KLK15: variants seen among roughly 807,000 people sequenced by gnomAD.
KLK15 encodes kallikrein related peptidase 15.
KLK15 carries 19 observed loss-of-function variants against 21.1 expected under a neutral mutation model. The ratio of observed to expected loss-of-function variants is 0.90; its 90% CI spans 0.63 to 1.32. The LOEUF (loss-of-function observed/expected upper bound fraction) is 1.32, where lower values mean the gene tolerates loss of function less well. KLK15 is among the 40% of genes most tolerant of loss of function. KLK15 has a pLI of 0.00. For synonymous variants in KLK15, 141 were observed against 141.5 expected, an observed-to-expected ratio of 1.00 and a Z score of 0.03; for missense variants, 345 against 348.6, an observed-to-expected ratio of 0.99 and a Z score of 0.08.
At position 50,831,456 on chromosome 19, in the gene KLK15, A is replaced by T. The variant is rs1599958945; in HGVS notation, c.37T>A (p.Ser13Thr). 4.9e-6 allele frequency: 7 copies of T among 1,437,754 alleles called. No individual in the cohort carries two copies. In the East Asian group the frequency reaches 2.1e-4, roughly 43 times the overall value. 89.1% of individuals were successfully genotyped at this position (1,437,754 alleles called of 1,614,324 possible). Residue 13 changes from serine (S) to threonine (T), a missense_variant, in exon 1 of 5, where the codon TCC (serine) becomes ACC (threonine). Coordinates refer to ENST00000598239, the Ensembl canonical transcript of KLK15. ...CCTCCTGGGGCCACCTCACCTGTGG[A>T]TGCCAGCAGGAAGGAGAGAGTGAGG...
At chr19:50,827,232 G>A in intron 2 of KLK15, 71 bp from the exon 4 acceptor site, 2 of 1,465,108 alleles carry the variant, frequency 1.4e-6, no homozygotes, top group Non-Finnish European at 1.8e-6. Flanking sequence ...AGGACAGAAA[G>A]ATCAAAGAGT....
In KLK15 at chr19:50,827,223, G is replaced by A. The variant is rs918343785; in HGVS notation, c.198-62C>T. Reference sequence around the variant, plus strand: ...GGGCCAGTGGTTACCCGCAAGTAGAGGACAGAAAGATCAAAGAGTGGGCAA... The same window carrying A: ...GGGCCAGTGGTTACCCGCAAGTAGAAGACAGAAAGATCAAAGAGTGGGCAA... On this transcript the variant is annotated intron_variant, in intron 2 of 4. Coordinates refer to ENST00000598239, the Ensembl canonical transcript of KLK15. The A allele has an allele frequency of 6.0e-6, 9 of 1,493,008 alleles. No individual in the cohort carries two copies. In the African/African-American group the frequency reaches 1.1e-4, roughly 18 times the overall value. The allele number at this position is 1,493,008 out of a possible 1,614,324, so 92.5% of individuals were successfully genotyped here.
At chr19:50,832,603 A>G (rs189273826), upstream of KLK15, among the ~76,000 whole-genome samples, 437 of 152,264 alleles carry the variant, frequency 2.9e-3, 2 homozygotes, top group African/African-American at 1.0e-2. Context: ...GATTACAGGC[A>G]TGAGTTGCCT....
At chr19:50,829,016 T>C (rs954685490) in intron 1 of KLK15, among the ~76,000 whole-genome samples, 2 of 142,938 alleles carry the variant, frequency 1.4e-5, no homozygotes, top group African/African-American at 5.3e-5. Flanking sequence ...CAGATGTTCA[T>C]ATGTGTATAT....
chr19:50,832,910 C>T (rs546991086), upstream of KLK15, among the ~76,000 whole-genome samples: 5 of 152,270 alleles, frequency 3.3e-5, no homozygotes, highest in South Asian at 2.1e-4. Flanking sequence ...CTGCAGGGCC[C>T]GACCCACGGG....
rs1053346865 is a variant in KLK15 at position 50,826,020 on chromosome 19, C to T, written c.619-72G>A. The T allele has an allele frequency of 9.0e-6, 13 of 1,448,050 alleles. No homozygotes were observed. The African/African-American group carries it at 1.4e-4, about 16-fold the overall frequency. 89.7% of individuals were successfully genotyped at this position (1,448,050 alleles called of 1,614,324 possible). The stretch of plus-strand genomic sequence containing the variant: ...TCATCCTCATCCTAATCACCATTTG[C>T]AATCTCACCCCAAACCCAATCCATC... On this transcript the variant is annotated intron_variant, in intron 4 of 4. Transcript: ENST00000598239.
intron 2 of KLK15, 125 bp from the exon 4 acceptor site, chr19:50,827,286 C>A: frequency 2.2e-6 from 2 of 925,850 alleles, no homozygotes; most frequent in East Asian, 2.6e-5. Context: ...CTCGACATCC[C>A]ATTACCTTTT....
downstream of KLK15, chr19:50,825,432 T>A (rs1599947995): frequency 5.9e-6 from 1 of 169,424 alleles, no homozygotes; most frequent in South Asian, 1.8e-4. Context: ...TTGTTCAAGA[T>A]CACACGGGTG....
chr19:50,831,479 A>G, exon 1 of KLK15: 1 of 1,450,802 alleles, frequency 6.9e-7, no homozygotes, highest in Non-Finnish European at 9.0e-7. Flanking sequence ...GGAGAGAGTG[A>G]GGAGAAGCCA....
At chr19:50,826,141 C>T in intron 4 of KLK15, 193 bp from the exon 6 acceptor site, 2 of 575,020 alleles carry the variant, frequency 3.5e-6, no homozygotes, top group South Asian at 4.6e-5. Context: ...CAATTCAACA[C>T]AGCTCAATAC....
chr19:50,828,687 G>C (rs1021182864), intron 1 of KLK15, among the ~76,000 whole-genome samples: 4 of 151,554 alleles, frequency 2.6e-5, no homozygotes, highest in South Asian at 2.1e-4. Context: ...CACAGCACAG[G>C]CTGGGCACGG....
chr19:50,829,691 G>A (rs959446799), intron 1 of KLK15, among the ~76,000 whole-genome samples: 5 of 151,732 alleles, frequency 3.3e-5, no homozygotes, highest in East Asian at 1.9e-4. Context: ...GTGGTGGTGC[G>A]TGCCTGTAAT....
At chr19:50,827,710 G>T in exon 2 of KLK15, 1 of 1,611,286 alleles carries the variant, frequency 6.2e-7, no homozygotes. Context: ...GGAGATGAGG[G>T]AAGCGCCACA....
intron 1 of KLK15, among the ~76,000 whole-genome samples, chr19:50,830,804 C>T (rs1341591725): frequency 6.6e-6 from 1 of 152,236 alleles, no homozygotes; most frequent in Non-Finnish European, 1.5e-5. Context: ...GCCACAGCCC[C>T]TTCCCTTGTC....
chr19:50,832,941 G>A (rs266850), upstream of KLK15, among the ~76,000 whole-genome samples: 125,518 of 152,040 alleles, frequency 0.83, 51,923 homozygotes, highest in East Asian at 0.89. Context: ...AAGCTTTGAG[G>A]GTGAATTGAA....
chr19:50,831,961 A>G (rs1183815042), upstream of KLK15, among the ~76,000 whole-genome samples: 2 of 149,300 alleles, frequency 1.3e-5, no homozygotes, highest in African/African-American at 4.9e-5. Flanking sequence ...ACAGGCGCCC[A>G]CCACCGTGCC....
intron 1 of KLK15, chr19:50,831,174 A>G (rs770316722): frequency 3.3e-5 from 11 of 333,866 alleles, no homozygotes; most frequent in Admixed American, 9.8e-5. Flanking sequence ...ACAGCAAGGA[A>G]GCGGTTGCCC....
At chr19:50,830,196 T>G (rs1022185091) in intron 1 of KLK15, among the ~76,000 whole-genome samples, 2 of 148,728 alleles carry the variant, frequency 1.3e-5, no homozygotes, top group Non-Finnish European at 3.0e-5. Flanking sequence ...CAGAATGGCA[T>G]TATGCTTAAG....
At chr19:50,825,676 C>T, downstream of KLK15, 2 of 1,004,890 alleles carry the variant, frequency 2.0e-6, no homozygotes, top group Non-Finnish European at 1.4e-6. Context: ...CCTTGGCTAA[C>T]ATCTGGGCCT....
Sources: allele counts gnomAD v4.1 joint callset (sites outside exome capture counted in the v4.1 genomes callset), GRCh38; gene constraint gnomAD v4.1.1; transcripts MANE v1.5; gene names NCBI Gene and HGNC (gene_info 2026-07-23, HGNC 2026-07-21).